ETV6: variants seen among roughly 807,000 people sequenced by gnomAD.
ETV6 encodes transcription factor ETV6.
Under a neutral mutation model 51.1 loss-of-function variants are expected in ETV6, and 16 were observed. The ratio of observed to expected loss-of-function variants is 0.31; its 90% CI spans 0.21 to 0.48. The LOEUF (loss-of-function observed/expected upper bound fraction) is 0.48, where lower values mean the gene tolerates loss of function less well. ETV6 is among the 20% of genes least tolerant of loss of function. The probability of loss-of-function intolerance (pLI) is 0.99; values close to 1 mark genes in which losing one functional copy is unlikely to be tolerated. For synonymous variants in ETV6, 240 were observed against 224.1 expected (o/e 1.07, Z -0.64); for missense variants, 458 against 594.8 (o/e 0.77, Z 2.39).
intron 1 of ETV6, among the ~76,000 whole-genome samples, chr12:11,710,611 A>G (rs1423560533): frequency 6.9e-6 from 1 of 145,396 alleles, no homozygotes; most frequent in Non-Finnish European, 1.5e-5. Context: ...TGCTCTACAA[A>G]TATACACTAC....
chr12:11,791,696 A>G (rs1945596132), intron 2 of ETV6, among the ~76,000 whole-genome samples: 1 of 152,230 alleles, frequency 6.6e-6, no homozygotes, highest in Non-Finnish European at 1.5e-5. Context: ...TTAATTCAAT[A>G]AAGACATCAA....
At chr12:11,801,635 A>G (rs1376590537) in intron 2 of ETV6, among the ~76,000 whole-genome samples, 2 of 152,174 alleles carry the variant, frequency 1.3e-5, no homozygotes, top group African/African-American at 4.8e-5. Flanking sequence ...CTTACGGTTT[A>G]CCAGTTTTCA....
chr12:11,746,525 C>T (rs1396964034), intron 1 of ETV6, among the ~76,000 whole-genome samples: 4 of 152,172 alleles, frequency 2.6e-5, no homozygotes, highest in Admixed American at 6.5e-5. Flanking sequence ...AATTGTGACA[C>T]GTGTTCTGAG....
intron 4 of ETV6, among the ~76,000 whole-genome samples, chr12:11,863,658 G>C (rs1416436190): frequency 1.3e-5 from 2 of 152,174 alleles, no homozygotes; most frequent in Admixed American, 1.3e-4. Flanking sequence ...TCTTGTTTTA[G>C]ACAGAAGACT....
intron 2 of ETV6, among the ~76,000 whole-genome samples, chr12:11,759,660 C>T (rs1414440844): frequency 6.6e-6 from 1 of 152,158 alleles, no homozygotes; most frequent in Non-Finnish European, 1.5e-5. Context: ...TGTGGTCTTT[C>T]TCTCGTCTTG....
At chr12:11,791,210 T>C (rs1036481148) in intron 2 of ETV6, among the ~76,000 whole-genome samples, 4 of 152,218 alleles carry the variant, frequency 2.6e-5, no homozygotes, top group Non-Finnish European at 5.9e-5. Context: ...TGTTTTTCTT[T>C]CTTTTTCTCC....
chr12:11,752,478 A>T lies in ETV6; in HGVS notation c.62A>T (p.Glu21Val), dbSNP rs139212214. ...KQERISYTPP[E>V]SPVPSYASST... ...GAACGAATTTCATATACACCTCCAG[A>T]GAGCCCAGTGCCGAGTTACGCTTCC... Residue 21 changes from glutamate (E) to valine (V), a missense_variant, in exon 2 of 8, where the codon GAG becomes GTG. Around this residue, in one of 4 missense-constraint regions of ETV6, gnomAD observed 84 missense variants for 75.9 expected, o/e 1.11. Transcript: ENST00000396373. The T allele has an allele frequency of 1.2e-6, 2 of 1,613,772 alleles. No individual in the cohort carries two copies. The highest frequency in any genetic ancestry group is 1.7e-6 in the Non-Finnish European group (2 of 1,179,858).
intron 3 of ETV6, among the ~76,000 whole-genome samples, chr12:11,845,726 C>T (rs956894667): frequency 4.6e-5 from 7 of 152,172 alleles, no homozygotes; most frequent in African/African-American, 1.4e-4. Context: ...GGTGCAGTGG[C>T]TCACACCTGT....
At position 11,821,855 on chromosome 12, in the gene ETV6, C is replaced by T. The variant is rs145623655; in HGVS notation, c.164-17285C>T. Among the ~76,000 whole-genome samples, 151 of 152,256 alleles carry T rather than the reference C, an allele frequency of 9.9e-4. 1 individual carries two copies. The highest frequency in any genetic ancestry group is 3.6e-3 in the African/African-American group (150 of 41,544). ...AGAGGGAGATTCTGTCTCTTAAAAA[C>T]AAACATGGAGATGCATTGTCACCTC... On this transcript the variant is annotated intron_variant, in intron 2 of 7. Coordinates refer to ENST00000396373, the MANE Select transcript of ETV6 (RefSeq NM_001987.5).
chr12:11,657,619 G>A (rs1864024497), intron 1 of ETV6, among the ~76,000 whole-genome samples: 1 of 152,216 alleles, frequency 6.6e-6, no homozygotes, highest in Non-Finnish European at 1.5e-5. Context: ...CAATGCATCT[G>A]CAAGTTCTTG....
intron 4 of ETV6, among the ~76,000 whole-genome samples, chr12:11,862,097 A>C (rs894204364): frequency 6.6e-6 from 1 of 152,194 alleles, no homozygotes; most frequent in Non-Finnish European, 1.5e-5. Context: ...GCAGTAATGA[A>C]GATTAAGCCT....
At chr12:11,750,976 T>A (rs1008802361) in intron 1 of ETV6, 6 of 409,966 alleles carry the variant, frequency 1.5e-5, no homozygotes, top group Non-Finnish European at 2.4e-5. Context: ...GACCCAGAAA[T>A]GAAACCTGGG....
At chr12:11,884,323 G>C in intron 5 of ETV6, 122 bp from the exon 6 acceptor site, 2 of 1,088,006 alleles carry the variant, frequency 1.8e-6, no homozygotes, top group Non-Finnish European at 2.7e-6. Flanking sequence ...AAGGAAGTTA[G>C]TTAGACAATC....
intron 5 of ETV6, among the ~76,000 whole-genome samples, chr12:11,875,345 C>T (rs1313674222): frequency 4.6e-5 from 7 of 152,180 alleles, no homozygotes; most frequent in Admixed American, 2.0e-4. Context: ...CAGCAGCCAA[C>T]GCTGTATGGA....
chr12:11,816,974 G>C (rs544131787), intron 2 of ETV6, among the ~76,000 whole-genome samples: 1 of 152,220 alleles, frequency 6.6e-6, no homozygotes, highest in Admixed American at 6.5e-5. Context: ...ACCATAGTGG[G>C]CTGGATAGGG....
intron 2 of ETV6, among the ~76,000 whole-genome samples, chr12:11,780,819 T>C (rs1440103230): frequency 6.6e-6 from 1 of 152,224 alleles, no homozygotes; most frequent in African/African-American, 2.4e-5. Flanking sequence ...GACAAAAATA[T>C]AGAAGTCTAG....
chr12:11,790,100 C>CT (rs35109718), intron 2 of ETV6, among the ~76,000 whole-genome samples: 129,664 of 147,830 alleles, frequency 0.88, 57,020 homozygotes, highest in Admixed American at 0.93. Context: ...GTCAGCACTT[C>CT]TTTTTTTTTT....
chr12:11,711,586 G>A (rs944251825), intron 1 of ETV6, among the ~76,000 whole-genome samples: 2 of 152,200 alleles, frequency 1.3e-5, no homozygotes, highest in Admixed American at 6.5e-5. Context: ...GAAGAAAAGA[G>A]AACATTGTGT....
At chr12:11,850,104 G>A (rs896843759) in intron 3 of ETV6, among the ~76,000 whole-genome samples, 4 of 152,102 alleles carry the variant, frequency 2.6e-5, no homozygotes, top group Admixed American at 2.6e-4. Flanking sequence ...CCGCCTCATG[G>A]ATAGCATTTA....
Sources: gnomAD v4.1 joint callset for allele counts (sites outside exome capture counted in the v4.1 genomes callset) on GRCh38, gnomAD v4.1.1 for gene constraint, gnomAD v4.1.1 regional missense constraint, MANE v1.5 for transcripts, NCBI Gene and HGNC (gene_info 2026-07-23, HGNC 2026-07-21) for gene names.